The following CDH7 variants were observed in gnomAD, a reference collection of about 807,000 sequenced individuals.
CDH7 encodes the protein cadherin 7.
CDH7 carries 25 observed loss-of-function variants against 71.8 expected under a neutral mutation model. The observed-to-expected ratio is 0.35, with a 90% CI of 0.25 to 0.49. The LOEUF (loss-of-function observed/expected upper bound fraction) is 0.49. Among genes scored for constraint, CDH7 ranks in the 20% least tolerant of loss-of-function variants. The pLI is 0.99. For synonymous variants in CDH7, 381 were observed against 363.8 expected (o/e 1.05, Z -0.54); for missense variants, 862 against 974.6 (o/e 0.88, Z 1.54).
At chr18:65,816,663 C>T (rs1311047959) in intron 4 of CDH7, among the ~76,000 whole-genome samples, 1 of 152,098 alleles carries the variant, frequency 6.6e-6, no homozygotes, top group African/African-American at 2.4e-5. Context: ...TCATCTATAG[C>T]ACTGTTTACA....
At position 65,857,861 on chromosome 18, in the gene CDH7, T is replaced by C. The variant is rs759537324; in HGVS notation, c.1281T>C (p.Ile427=). The C allele has an allele frequency of 6.2e-7, 1 of 1,613,572 alleles. No individual in the cohort carries two copies. Among genetic ancestry groups the C allele is most frequent in the South Asian group, 1.1e-5 (1 of 91,066 alleles). The change falls in exon 8 of 12, where the codon ATT becomes ATC. Residue 427 remains isoleucine, a synonymous_variant. Transcript: ENST00000397968. ...RNTDLERYFN[I]DANSGVITTA... is the part of the protein sequence containing the mutation. The stretch of plus-strand genomic sequence containing the variant: ...CAGACTTGGAGAGATACTTCAATAT[T>C]GATGCCAACAGTGGGGTCATCACAA...
chr18:65,844,174 G>GATTTATTTATATAT, intron 7 of CDH7, 109 bp downstream of exon 7: 1 of 220,090 alleles, frequency 4.5e-6, no homozygotes, highest in East Asian at 6.7e-5. Context: ...ATAAAAACCA[G>GATTTATTTATATAT]ATATATATAT....
At chr18:65,775,996 T>C (rs1007554113) in intron 2 of CDH7, among the ~76,000 whole-genome samples, 1 of 152,150 alleles carries the variant, frequency 6.6e-6, no homozygotes, top group Non-Finnish European at 1.5e-5. Context: ...AAATAAGAGT[T>C]ATTTCTGATG....
At chr18:65,810,035 C>A in intron 3 of CDH7, 37 bp downstream of exon 3, 1 of 1,527,690 alleles carries the variant, frequency 6.5e-7, no homozygotes, top group Admixed American at 1.8e-5. Flanking sequence ...AGCTTGTGGC[C>A]GATTTGGGGA....
At chr18:65,857,044 T>C (rs768130341) in intron 7 of CDH7, among the ~76,000 whole-genome samples, 1 of 150,586 alleles carries the variant, frequency 6.6e-6, no homozygotes, top group Non-Finnish European at 1.5e-5. Context: ...AGAGGGTTAA[T>C]AACAGGTTGG....
intron 2 of CDH7, 89 bp downstream of exon 2, chr18:65,763,141 T>C (rs1400075071): frequency 1.4e-6 from 1 of 703,640 alleles, no homozygotes. Context: ...ATAAAATTTA[T>C]TTTTTGCTAT....
At chr18:65,841,436 T>C (rs553825304) in intron 6 of CDH7, among the ~76,000 whole-genome samples, 53 of 152,296 alleles carry the variant, frequency 3.5e-4, no homozygotes, top group African/African-American at 1.3e-3. Flanking sequence ...TGGTTTTGCA[T>C]TGATTTGAAA....
At chr18:65,801,485 A>G (rs1352989735) in intron 2 of CDH7, among the ~76,000 whole-genome samples, 1 of 152,218 alleles carries the variant, frequency 6.6e-6, no homozygotes, top group African/African-American at 2.4e-5. Flanking sequence ...ATTGAGACCA[A>G]CTTTTCTAAA....
chr18:65,849,213 A>G (rs1162678213), intron 7 of CDH7, among the ~76,000 whole-genome samples: 2 of 152,134 alleles, frequency 1.3e-5, no homozygotes, highest in Non-Finnish European at 2.9e-5. Context: ...AATGAAAAAA[A>G]GAAAGTATAT....
At position 65,881,270 on chromosome 18, in the gene CDH7, C is replaced by T. The variant is rs2144075026; in HGVS notation, c.*376C>T. ...ATGCCCTGTACATACCTTCATGGTA[C>T]TGTCATTGAGAGGAATAGAACATGA... On this transcript the variant is annotated 3_prime_UTR_variant, in exon 12 of 12. Transcript: ENST00000397968. The T allele has an allele frequency of 1.2e-5, 2 of 164,902 alleles. No individual in the cohort carries two copies. The highest frequency in any genetic ancestry group is 3.3e-4 in the South Asian group (2 of 5,988). The allele number at this position is 164,902 out of a possible 1,614,324, so 10.2% of individuals were successfully genotyped here. A position where few individuals can be genotyped will look rare whatever the true frequency, so the allele number is the denominator to read the frequency against.
intron 11 of CDH7, among the ~76,000 whole-genome samples, chr18:65,872,453 C>G (rs1369544640): frequency 6.6e-6 from 1 of 152,116 alleles, no homozygotes; most frequent in Non-Finnish European, 1.5e-5. Flanking sequence ...TTAATGTCCT[C>G]CCTTTTTGAG....
intron 2 of CDH7, among the ~76,000 whole-genome samples, chr18:65,789,463 AT>A (rs1248947707): frequency 1.5e-5 from 2 of 132,058 alleles, no homozygotes; most frequent in Non-Finnish European, 3.1e-5. Flanking sequence ...TACATGTGCT[AT>A]TTTTTTGTTT....
intron 2 of CDH7, among the ~76,000 whole-genome samples, chr18:65,767,103 TTTTTG>T (rs1916401910): frequency 1.3e-5 from 2 of 151,094 alleles, no homozygotes; most frequent in African/African-American, 4.9e-5. Context: ...CTTTTTTTTT[TTTTTG>T]GCTACTCCTC....
At chr18:65,830,362 T>C (rs1912292855) in intron 6 of CDH7, among the ~76,000 whole-genome samples, 1 of 152,206 alleles carries the variant, frequency 6.6e-6, no homozygotes, top group Admixed American at 6.5e-5. Flanking sequence ...AATTAAAATA[T>C]TTGCTTATTT....
At chr18:65,857,984 T>C (rs1913426119) in intron 8 of CDH7, 32 bp downstream of exon 8, 2 of 1,604,198 alleles carry the variant, frequency 1.2e-6, no homozygotes, top group South Asian at 1.1e-5. Flanking sequence ...TAAATTAAGA[T>C]GGAGGACAGT....
At chr18:65,856,736 A>T (rs2009297) in intron 7 of CDH7, among the ~76,000 whole-genome samples, 80,435 of 151,192 alleles carry the variant, frequency 0.53, 24,996 homozygotes, top group East Asian at 0.92. Context: ...TGTTCGTTTA[A>T]TTGTTTGTTT....
chr18:65,869,708 C>A (rs1913873359), intron 11 of CDH7, among the ~76,000 whole-genome samples: 1 of 149,384 alleles, frequency 6.7e-6, no homozygotes, highest in East Asian at 1.9e-4. Context: ...TCTCCTTGTC[C>A]ATCTCTTCCA....
intron 2 of CDH7, among the ~76,000 whole-genome samples, chr18:65,794,991 A>G (rs920768056): frequency 6.6e-6 from 1 of 152,214 alleles, no homozygotes; most frequent in Non-Finnish European, 1.5e-5. Flanking sequence ...TGAATAAAAG[A>G]GCTATACAAC....
intron 11 of CDH7, among the ~76,000 whole-genome samples, chr18:65,870,467 C>T (rs1005566419): frequency 5.3e-5 from 8 of 151,976 alleles, no homozygotes; most frequent in East Asian, 3.9e-4. Context: ...AATTATTTTA[C>T]GTCTCTGCTT....
Sources: gnomAD v4.1 joint callset for allele counts (sites outside exome capture counted in the v4.1 genomes callset) on GRCh38, gnomAD v4.1.1 for gene constraint, MANE v1.5 for transcripts, NCBI Gene and HGNC (gene_info 2026-07-23, HGNC 2026-07-21) for gene names.